The following IRS1 variants were observed in gnomAD, a reference collection of about 807,000 sequenced individuals.
IRS1 encodes insulin receptor substrate 1.
A neutral mutation model predicts 65.6 loss-of-function variants in IRS1; 34 were observed. The ratio of observed to expected loss-of-function variants is 0.52; its 90% CI spans 0.39 to 0.69. The LOEUF is 0.69. Ranked by LOEUF, IRS1 falls within the 30% of genes least tolerant of loss-of-function variation. IRS1 has a pLI of 0.00. For missense variants in IRS1, 1,641 were observed against 1,720.2 expected, an observed-to-expected ratio of 0.95 and a Z score of 0.81; for synonymous variants, 699 against 683.5, an observed-to-expected ratio of 1.02 and a Z score of -0.35.
At chr2:226,764,441 G>A (rs561896074) in intron 1 of IRS1, among the ~76,000 whole-genome samples, 1 of 152,236 alleles carries the variant, frequency 6.6e-6, no homozygotes, top group East Asian at 1.9e-4. Flanking sequence ...TACATGGGAG[G>A]ATAAGGCAGG....
In IRS1 at chr2:226,798,543, G is replaced by A. The variant is rs1277167453; in HGVS notation, c.196C>T (p.Leu66Phe). The change falls in exon 1 of 2, where the codon CTT becomes TTT. Residue 66 changes from leucine (L) to phenylalanine (F), a missense_variant. Transcript: ENST00000305123. This position sits in a 1 kb window ranked among gnomAD's most constrained non-coding sequence, Gnocchi z 9.4. ...TTGTTGATGTTGAAGCAGCTCTCAAGGGGGATCGAGCGTTTGGGGGCGCTC... is the reference window on the plus strand; with the variant it reads ...TTGTTGATGTTGAAGCAGCTCTCAAAGGGGATCGAGCGTTTGGGGGCGCTC... ...KSSAPKRSIPLESCFNINKRA... is the reference protein window; with the variant it reads ...KSSAPKRSIPFESCFNINKRA... 2 of 1,613,948 alleles carry A rather than the reference G, an allele frequency of 1.2e-6. No homozygotes were observed. The highest frequency in any genetic ancestry group is 1.7e-6 in the Non-Finnish European group (2 of 1,180,028).
chr2:226,794,458 G>A lies in IRS1; in HGVS notation c.*21+531C>T, dbSNP rs531636389. Reference sequence around the variant, plus strand: ...TAGGGCAGGATGAATAGAAATCAATGCTTCCCGCTGCTGTTTATGTTGCCC... The same window carrying A: ...TAGGGCAGGATGAATAGAAATCAATACTTCCCGCTGCTGTTTATGTTGCCC... On this transcript the variant is annotated intron_variant, in intron 1 of 1. Transcript: ENST00000305123. The surrounding 1 kb of genome is among the most constrained non-coding windows in gnomAD (Gnocchi z 4.1). Among the ~76,000 whole-genome samples, 5 of 152,308 alleles carry A rather than the reference G, an allele frequency of 3.3e-5. No homozygotes were observed. Among genetic ancestry groups the A allele is most frequent in the Admixed American group, 3.3e-4 (5 of 15,308 alleles).
chr2:226,762,189 T>C (rs550531752), intron 1 of IRS1, among the ~76,000 whole-genome samples: 1 of 152,356 alleles, frequency 6.6e-6, no homozygotes, highest in East Asian at 1.9e-4. Context: ...CCTTAGTGAC[T>C]ATAAATATGC....
rs1939744441 is a variant in IRS1 at position 226,797,032 on chromosome 2, CGGCAGTCG to C, written c.1699_1706del (p.Arg567GlyfsTer41). 6.2e-7 allele frequency: 1 copy of C among 1,606,666 alleles called. No homozygotes were observed. On this transcript the variant is annotated frameshift_variant, in exon 1 of 2. Transcript: ENST00000305123. LOFTEE classifies it high-confidence loss of function. The surrounding 1 kb of genome is among the most constrained non-coding windows in gnomAD (Gnocchi z 8.1). ...GCACGAAGGCGGAGTGCCTGTGTCC[CGGCAGTCG>C]GCCTCCACTGCCACCTCCTGGTGGG...
chr2:226,736,578 G>A (rs1241656287), intron 1 of IRS1, among the ~76,000 whole-genome samples: 1 of 152,152 alleles, frequency 6.6e-6, no homozygotes, highest in Non-Finnish European at 1.5e-5. Flanking sequence ...ATCATTAGTT[G>A]CTATGTAAAA....
At chr2:226,790,859 A>C (rs1166704414) in intron 1 of IRS1, among the ~76,000 whole-genome samples, 5 of 152,164 alleles carry the variant, frequency 3.3e-5, no homozygotes, top group Non-Finnish European at 5.9e-5. Flanking sequence ...ACACAACACA[A>C]ATCTAGCAAG....
intron 1 of IRS1, among the ~76,000 whole-genome samples, chr2:226,769,459 T>G (rs1193538166): frequency 6.6e-6 from 1 of 152,160 alleles, no homozygotes; most frequent in Non-Finnish European, 1.5e-5. Flanking sequence ...ACCAAGGCAA[T>G]GCAGGCCTGC....
intron 1 of IRS1, among the ~76,000 whole-genome samples, chr2:226,765,510 T>C (rs940632877): frequency 2.0e-5 from 3 of 152,188 alleles, no homozygotes; most frequent in Admixed American, 1.3e-4. Context: ...TATCTGGGTT[T>C]CCTACAAAGT....
At chr2:226,773,328 C>T (rs1347456256) in intron 1 of IRS1, among the ~76,000 whole-genome samples, 1 of 152,136 alleles carries the variant, frequency 6.6e-6, no homozygotes, top group African/African-American at 2.4e-5. Context: ...AACAACTCTT[C>T]TGGGGCCCTT....
rs1559151975 is a variant in IRS1, at chr2:226,766,144, TATATATA to T, written c.*21+28838_*21+28844del. Among the ~76,000 whole-genome samples, 20 of 4,844 alleles carry T rather than the reference TATATATA, an allele frequency of 4.1e-3. 2 individuals are homozygous for T. Among genetic ancestry groups the T allele is most frequent in the East Asian group, 0.015 (5 of 334 alleles). 3.2% of individuals were successfully genotyped at this position (4,844 alleles called of 152,430 possible). ...TCTTATATATATATATATATATATA[TATATATA>T]TATATATATATATTTTTTTTTTTTT... On this transcript the variant is annotated intron_variant, in intron 1 of 1. Coordinates refer to ENST00000305123, the MANE Select transcript of IRS1 (RefSeq NM_005544.3).
At chr2:226,780,649 A>C (rs1418319386) in intron 1 of IRS1, among the ~76,000 whole-genome samples, 1 of 152,190 alleles carries the variant, frequency 6.6e-6, no homozygotes, top group Non-Finnish European at 1.5e-5. Context: ...CAATCTTCAA[A>C]AGAATGGTTT....
intron 1 of IRS1, among the ~76,000 whole-genome samples, chr2:226,774,067 G>A (rs1939218421): frequency 6.6e-6 from 1 of 152,050 alleles, no homozygotes; most frequent in Admixed American, 6.6e-5. Flanking sequence ...CTACAGACCA[G>A]GCAGTCCAGG....
Position 226,796,702 on chromosome 2 carries a change from G to A in IRS1, c.2037C>T (p.Pro679=), listed in dbSNP as rs1209257030. The change falls in exon 1 of 2, where the codon CCC becomes CCT. Residue 679 remains proline (P), a synonymous_variant. Transcript: ENST00000305123. ...CGTTGCTGCTGCTGCTGCTGCTGCT[G>A]GGGCCACCTCCAATGTCAGGAGAGC... ...GGCSPDIGGG[P]SSSSSSSNAV... The A allele has an allele frequency of 1.9e-6, 3 of 1,613,712 alleles. No individual in the cohort carries two copies. Among genetic ancestry groups the A allele is most frequent in the African/African-American group, 2.7e-5 (2 of 74,938 alleles).
intron 1 of IRS1, among the ~76,000 whole-genome samples, chr2:226,749,217 G>C (rs562126623): frequency 1.3e-5 from 2 of 152,252 alleles, no homozygotes; most frequent in South Asian, 4.1e-4. Context: ...GCGGGCCATG[G>C]CCTACCTGTT....
rs763115944 is a variant in IRS1, at chr2:226,732,203, C to G, written c.*4069G>C. 1 of 152,110 alleles carries G rather than the reference C, an allele frequency of 6.6e-6. No homozygotes were observed. 9.4% of individuals were successfully genotyped at this position (152,110 alleles called of 1,614,324 possible). ...CTGTTTACAAGTAGTGGGAGACACA[C>G]AACAGGCTACATATTCTCTACCCAT... On this transcript the variant is annotated 3_prime_UTR_variant, in exon 2 of 2. Transcript: ENST00000305123.
At position 226,795,580 on chromosome 2, in the gene IRS1, C is replaced by T; in HGVS notation, c.3159G>A (p.Leu1053=). Residue 1053 remains leucine (L), a synonymous_variant, in exon 1 of 2, where the codon CTG becomes CTA. Transcript: ENST00000305123. ...CCCCCAGCAGGGACGAGTGGGCAGC[C>T]AGCTCTGCTGCCCCTTGAGGCCCAG... ...SPTGPQGAAE[L]AAHSSLLGGP... The T allele has an allele frequency of 6.2e-7, 1 of 1,612,870 alleles. No homozygotes were observed. Among genetic ancestry groups the T allele is most frequent in the Non-Finnish European group, 8.5e-7 (1 of 1,179,908 alleles).
chr2:226,794,908 A>G lies in IRS1; in HGVS notation c.*21+81T>C. 8.1e-7 allele frequency: 1 copy of G among 1,234,236 alleles called. No homozygotes were observed. The highest frequency in any genetic ancestry group is 1.9e-4 in the Middle Eastern group (1 of 5,252). 76.5% of individuals were successfully genotyped at this position (1,234,236 alleles called of 1,614,324 possible). ...TGAGGAAGCAGTGGGAAAGAACAGG[A>G]AGGGGCAGAGGCGAAGAACAGAATT... On this transcript the variant is annotated intron_variant, in intron 1 of 1. Coordinates refer to ENST00000305123, the MANE Select transcript of IRS1 (RefSeq NM_005544.3). This position sits in a 1 kb window ranked among gnomAD's most constrained non-coding sequence, Gnocchi z 4.1.
rs548196507 is a variant in IRS1, at chr2:226,732,256, G to A, written c.*4016C>T. On this transcript the variant is annotated 3_prime_UTR_variant, in exon 2 of 2. Coordinates refer to ENST00000305123, the MANE Select transcript of IRS1 (RefSeq NM_005544.3). ...TTAGGAGACAGACTTACAGAACTAC[G>A]GAAGGACCACAAAGATCTTCTGTGG... 5.3e-5 allele frequency: 8 copies of A among 151,992 alleles called. No homozygotes were observed. The highest frequency in any genetic ancestry group is 2.1e-4 in the South Asian group (1 of 4,804). The allele number at this position is 151,992 out of a possible 1,614,324, so 9.4% of individuals were successfully genotyped here. A position where few individuals can be genotyped will look rare whatever the true frequency, so the allele number is the denominator to read the frequency against.
Position 226,797,779 on chromosome 2 carries a change from C to CT in IRS1, c.959dup (p.Pro321AlafsTer11), listed in dbSNP as rs1429400502. On this transcript the variant is annotated frameshift_variant, in exon 1 of 2. Coordinates refer to ENST00000305123, the MANE Select transcript of IRS1 (RefSeq NM_005544.3). LOFTEE classifies it high-confidence loss of function. The surrounding 1 kb of genome is among the most constrained non-coding windows in gnomAD (Gnocchi z 8.1). ...AGGCGCGGACACGGAAGGAGCCTGGCTTCCCGCCCACCATGCTGGCCGGGG... is the reference window on the plus strand; with the variant it reads ...AGGCGCGGACACGGAAGGAGCCTGGCTTTCCCGCCCACCATGCTGGCCGGGG... The CT allele has an allele frequency of 6.3e-7, 1 of 1,594,852 alleles. No individual in the cohort carries two copies. The highest frequency in any genetic ancestry group is 8.5e-7 in the Non-Finnish European group (1 of 1,173,394).
Sources: gnomAD v4.1 joint callset for allele counts (sites outside exome capture counted in the v4.1 genomes callset) on GRCh38, gnomAD v4.1.1 for gene constraint, Gnocchi (gnomAD v3.1) non-coding constraint, MANE v1.5 for transcripts, NCBI Gene and HGNC (gene_info 2026-07-23, HGNC 2026-07-21) for gene names.